The following MTUS2 variants were observed in gnomAD, a reference collection of about 807,000 sequenced individuals.
MTUS2 encodes the protein microtubule-associated tumor suppressor candidate 2.
Under a neutral mutation model 114.1 loss-of-function variants are expected in MTUS2, and 40 were observed. The observed-to-expected ratio is 0.35, with a 90% CI of 0.27 to 0.46. The LOEUF is 0.46. MTUS2 is among the 20% of genes least tolerant of loss of function. The pLI, the probability that MTUS2 is intolerant of heterozygous loss-of-function variation, is 1.00. For synonymous variants in MTUS2, 688 were observed against 672.0 expected (o/e 1.02, Z -0.37); for missense variants, 1,679 against 1,705.4 (o/e 0.98, Z 0.27).
chr13:29,021,977 GAGAGCGGGGAGGATGAGGAC>G (rs755828402), intron 2 of MTUS2, among the ~76,000 whole-genome samples: 3 of 152,140 alleles, frequency 2.0e-5, no homozygotes, highest in Non-Finnish European at 4.4e-5. Context: ...GAAAAAGCAT[GAGAGCGGGGAGGATGAGGAC>G]AGTGAGGGAG....
At chr13:29,111,110 T>C (rs1890866541) in intron 5 of MTUS2, among the ~76,000 whole-genome samples, 1 of 152,160 alleles carries the variant, frequency 6.6e-6, no homozygotes, top group African/African-American at 2.4e-5. Flanking sequence ...GAACCACTTA[T>C]GGTCTTAAGT....
At chr13:29,395,420 G>T (rs563218962) in intron 8 of MTUS2, among the ~76,000 whole-genome samples, 1 of 152,198 alleles carries the variant, frequency 6.6e-6, no homozygotes, top group African/African-American at 2.4e-5. Context: ...TTGTAGGGAG[G>T]CAGTAAAGGG....
chr13:29,441,757 C>T (rs61946432), intron 9 of MTUS2, among the ~76,000 whole-genome samples: 4,341 of 152,240 alleles, frequency 0.029, 100 homozygotes, highest in Non-Finnish European at 0.045. Context: ...GCTGCCCTCC[C>T]GTGCATGCAC....
At chr13:29,439,492 C>T (rs1452428991) in intron 8 of MTUS2, among the ~76,000 whole-genome samples, 1 of 152,160 alleles carries the variant, frequency 6.6e-6, no homozygotes, top group African/African-American at 2.4e-5. Context: ...CATGCTAAGC[C>T]TTCTGCCCTG....
chr13:29,370,539 T>A (rs1286208924), intron 8 of MTUS2, among the ~76,000 whole-genome samples: 4 of 151,960 alleles, frequency 2.6e-5, no homozygotes, highest in Non-Finnish European at 5.9e-5. Context: ...TATCCTGGAG[T>A]GGACTCTTGA....
intron 5 of MTUS2, among the ~76,000 whole-genome samples, chr13:29,110,893 G>A (rs551823063): frequency 1.3e-5 from 2 of 152,104 alleles, no homozygotes; most frequent in African/African-American, 4.8e-5. Context: ...TATGGAAATC[G>A]TATTTTAGAA....
At chr13:28,916,182 C>CTGTTTT (rs1331852197) in intron 2 of MTUS2, among the ~76,000 whole-genome samples, 1 of 151,924 alleles carries the variant, frequency 6.6e-6, no homozygotes, top group African/African-American at 2.4e-5. Flanking sequence ...CAGTAACATA[C>CTGTTTT]TGTTTTTGTT....
chr13:28,928,485 G>T (rs1393150092), intron 2 of MTUS2, among the ~76,000 whole-genome samples: 1 of 152,158 alleles, frequency 6.6e-6, no homozygotes, highest in East Asian at 1.9e-4. Context: ...CAAATGGCCA[G>T]CAGATATATG....
intron 5 of MTUS2, among the ~76,000 whole-genome samples, chr13:29,263,021 G>A (rs184651486): frequency 6.6e-6 from 1 of 152,208 alleles, no homozygotes; most frequent in Admixed American, 6.5e-5. Context: ...AATGACGGAA[G>A]GTAAACAAGC....
At chr13:29,161,361 G>A (rs1288784958) in intron 5 of MTUS2, among the ~76,000 whole-genome samples, 3 of 151,144 alleles carry the variant, frequency 2.0e-5, no homozygotes, top group Non-Finnish European at 4.4e-5. Flanking sequence ...ATAATTGAAG[G>A]AAAAAAATAA....
intron 9 of MTUS2, among the ~76,000 whole-genome samples, chr13:29,463,756 C>G (rs550275703): frequency 5.3e-5 from 8 of 152,110 alleles, no homozygotes; most frequent in Non-Finnish European, 1.0e-4. Flanking sequence ...CCCAGCACTT[C>G]GGGGGGCCGA....
intron 8 of MTUS2, among the ~76,000 whole-genome samples, chr13:29,384,497 G>A (rs554080627): frequency 0.027 from 4,162 of 152,260 alleles, 178 homozygotes; most frequent in African/African-American, 0.094. Flanking sequence ...GGCCATGAGA[G>A]AAGCTCAGGC....
chr13:28,883,143 G>A (rs1878390022), intron 2 of MTUS2, among the ~76,000 whole-genome samples: 1 of 152,282 alleles, frequency 6.6e-6, no homozygotes, highest in African/African-American at 2.4e-5. Flanking sequence ...TAAAAATAGC[G>A]AGAATACCAC....
chr13:29,356,025 C>T (rs1372314324), intron 7 of MTUS2, among the ~76,000 whole-genome samples: 1 of 152,156 alleles, frequency 6.6e-6, no homozygotes, highest in Non-Finnish European at 1.5e-5. Context: ...TAAGTAGGTT[C>T]TGGCTGCCTG....
At chr13:29,476,672 T>C (rs1177072642) in intron 9 of MTUS2, 1 of 152,194 alleles carries the variant, frequency 6.6e-6, no homozygotes, top group Non-Finnish European at 1.5e-5. Flanking sequence ...GAAACCCAGA[T>C]TCTTTATCTC....
intron 4 of MTUS2, among the ~76,000 whole-genome samples, chr13:29,073,030 A>G (rs1217222781): frequency 6.6e-6 from 1 of 151,898 alleles, no homozygotes; most frequent in Non-Finnish European, 1.5e-5. Context: ...TTTCCCTTCT[A>G]TGACATTGGG....
At position 29,025,711 on chromosome 13, in the gene MTUS2, A is replaced by G. The variant is rs764209109; in HGVS notation, c.1013A>G (p.Glu338Gly). Residue 338 changes from glutamate (E) to glycine (G), a missense_variant, in exon 3 of 16, where the codon GAG (glutamate) becomes GGG (glycine). Physicochemically the swap from Glu to Gly is moderately conservative, Grantham distance 98. Transcript: ENST00000612955. ...QEGYLGCHKE[E>G]NLSALEGRDP... Reference sequence around the variant, plus strand: ...GGGTATCTGGGATGCCACAAGGAAGAGAATCTGTCAGCCTTGGAGGGAAGG... The same window carrying G: ...GGGTATCTGGGATGCCACAAGGAAGGGAATCTGTCAGCCTTGGAGGGAAGG... 26 of 1,614,024 alleles carry G rather than the reference A, an allele frequency of 1.6e-5. No individual in the cohort carries two copies. The South Asian group carries it at 2.9e-4, about 18-fold the overall frequency.
At chr13:29,188,477 A>G (rs1309256821) in intron 5 of MTUS2, among the ~76,000 whole-genome samples, 1 of 152,202 alleles carries the variant, frequency 6.6e-6, no homozygotes, top group South Asian at 2.1e-4. Context: ...GCCTGCAAGC[A>G]CCATATTCAA....
At chr13:29,182,490 C>G (rs1894048489) in intron 5 of MTUS2, among the ~76,000 whole-genome samples, 1 of 152,218 alleles carries the variant, frequency 6.6e-6, no homozygotes, top group Non-Finnish European at 1.5e-5. Flanking sequence ...CAATCATTTC[C>G]TCCTCTGCAT....
Sources: gnomAD v4.1 joint callset for allele counts (sites outside exome capture counted in the v4.1 genomes callset) on GRCh38, gnomAD v4.1.1 for gene constraint, MANE v1.5 for transcripts, NCBI Gene and HGNC (gene_info 2026-07-23, HGNC 2026-07-21) for gene names.